Variants in NLGN1 observed in about 807,000 individuals in gnomAD.
NLGN1 encodes the protein neuroligin 1, also known as neuroligin-1.
In NLGN1, 12 loss-of-function variants were observed where a neutral mutation model predicts 65.5. That is an observed-to-expected ratio of 0.18 (90% CI 0.12 to 0.30). The LOEUF (loss-of-function observed/expected upper bound fraction) is 0.30, where lower values mean the gene tolerates loss of function less well. Among genes scored for constraint, NLGN1 ranks in the 10% least tolerant of loss-of-function variants. The pLI is 1.00. For missense variants in NLGN1, 750 were observed against 1,007.1 expected, an observed-to-expected ratio of 0.74 and a Z score of 3.46; for synonymous variants, 350 against 359.5, an observed-to-expected ratio of 0.97 and a Z score of 0.30.
intron 4 of NLGN1, among the ~76,000 whole-genome samples, chr3:173,850,942 G>A (rs748321630): frequency 1.3e-5 from 2 of 151,420 alleles, no homozygotes; most frequent in Non-Finnish European, 2.9e-5. Flanking sequence ...ATGAAGTCTT[G>A]CCATGTTGCC....
intron 3 of NLGN1, among the ~76,000 whole-genome samples, chr3:173,752,575 A>G (rs899210779): frequency 5.9e-5 from 9 of 152,132 alleles, no homozygotes; most frequent in African/African-American, 2.2e-4. Flanking sequence ...TAAAAAGCTT[A>G]AAGTCCATCT....
At chr3:173,810,665 G>A (rs1483235681) in intron 4 of NLGN1, among the ~76,000 whole-genome samples, 1 of 152,146 alleles carries the variant, frequency 6.6e-6, no homozygotes, top group Non-Finnish European at 1.5e-5. Flanking sequence ...ATAGAGATGT[G>A]ATAATGTTTT....
chr3:174,279,174 A>C lies in NLGN1; in HGVS notation c.1173A>C (p.Glu391Asp). 6.2e-7 allele frequency: 1 copy of C among 1,613,378 alleles called. No homozygotes were observed. Among genetic ancestry groups the C allele is most frequent in the Non-Finnish European group, 8.5e-7 (1 of 1,179,522 alleles). Residue 391 changes from glutamate to aspartate, a missense_variant, in exon 6 of 7, where the codon GAA becomes GAC. Glu to Asp is a conservative substitution (Grantham distance 45, BLOSUM62 2). Transcript: ENST00000457714. This position sits in a 1 kb window ranked among gnomAD's most constrained non-coding sequence, Gnocchi z 4.7. ...TAATGTTAGGAGTGAACCAAGGGGA[A>C]GGGTTAAAATTTGTTGAAAATATAG...
At chr3:173,529,774 G>A (rs1179128278) in intron 2 of NLGN1, among the ~76,000 whole-genome samples, 2 of 152,086 alleles carry the variant, frequency 1.3e-5, no homozygotes, top group African/African-American at 4.8e-5. Flanking sequence ...CAGTAATGTT[G>A]CTACTTTGTG....
chr3:173,854,829 G>A (rs1321358617), intron 4 of NLGN1, among the ~76,000 whole-genome samples: 1 of 151,980 alleles, frequency 6.6e-6, no homozygotes, highest in Admixed American at 6.6e-5. Context: ...TGTTTAGCAG[G>A]GTGAACTTAC....
rs1317119537 is a variant in NLGN1 at position 174,092,163 on chromosome 3, G to C, written c.647-183152G>C. ...TATAAAATGGAGTTGCACTGAGAAGGCACCAGAAACAGATGACTCTTCAGA... is the reference window on the plus strand; with the variant it reads ...TATAAAATGGAGTTGCACTGAGAAGCCACCAGAAACAGATGACTCTTCAGA... On this transcript the variant is annotated intron_variant, in intron 4 of 6. Transcript: ENST00000457714. 3.9e-5 allele frequency among the ~76,000 whole-genome samples: 6 copies of C among 152,232 alleles called. No individual in the cohort carries two copies. The East Asian group carries it at 7.7e-4, about 20-fold the overall frequency.
At chr3:173,427,787 A>C (rs1716405235) in intron 1 of NLGN1, among the ~76,000 whole-genome samples, 1 of 151,346 alleles carries the variant, frequency 6.6e-6, no homozygotes, top group South Asian at 2.1e-4. Flanking sequence ...TGTATTCTTC[A>C]GTAGTTTGTT....
chr3:174,155,031 T>C (rs1725179796), intron 4 of NLGN1, among the ~76,000 whole-genome samples: 2 of 140,110 alleles, frequency 1.4e-5, no homozygotes, highest in Admixed American at 1.5e-4. Flanking sequence ...TATAAAATTA[T>C]AATAATATAA....
intron 3 of NLGN1, among the ~76,000 whole-genome samples, chr3:173,776,521 A>T (rs1780324156): frequency 6.6e-6 from 1 of 152,058 alleles, no homozygotes; most frequent in African/African-American, 2.4e-5. Context: ...TGGTGTTGAC[A>T]ACCTAGTACA....
chr3:173,979,217 C>T (rs976887516), intron 4 of NLGN1, among the ~76,000 whole-genome samples: 30 of 151,774 alleles, frequency 2.0e-4, no homozygotes, highest in African/African-American at 6.5e-4. Flanking sequence ...AGATAACTCT[C>T]CCACAAGAAC....
intron 4 of NLGN1, among the ~76,000 whole-genome samples, chr3:173,966,220 A>C (rs1300727414): frequency 6.6e-6 from 1 of 152,234 alleles, no homozygotes; most frequent in Non-Finnish European, 1.5e-5. Flanking sequence ...CATTTGGTCC[A>C]GTAAAAAGTC....
In NLGN1 at chr3:174,036,924, A is replaced by G. The variant is rs925590146; in HGVS notation, c.646+229092A>G. Among the ~76,000 whole-genome samples the G allele has an allele frequency of 6.6e-5, 10 of 152,290 alleles. No individual in the cohort carries two copies. The South Asian group carries it at 2.1e-3, about 32-fold the overall frequency. ...AGCTTTATGCATGTTCCTGCAAAGG[A>G]CATGATGACATCCTTTTTTATGTCT... On this transcript the variant is annotated intron_variant, in intron 4 of 6. Coordinates refer to ENST00000457714, the Ensembl canonical transcript of NLGN1.
chr3:173,669,969 T>G (rs775077839), intron 3 of NLGN1, among the ~76,000 whole-genome samples: 1 of 152,220 alleles, frequency 6.6e-6, no homozygotes, highest in Non-Finnish European at 1.5e-5. Context: ...ACAGCATAAT[T>G]AAAACTTTGT....
intron 3 of NLGN1, among the ~76,000 whole-genome samples, chr3:173,615,071 A>T (rs1752857431): frequency 6.6e-6 from 1 of 151,874 alleles, no homozygotes; most frequent in African/African-American, 2.4e-5. Flanking sequence ...TTCTTTGGCC[A>T]CCTCCGCAGT....
intron 4 of NLGN1, among the ~76,000 whole-genome samples, chr3:174,034,319 TA>T (rs35334497): frequency 9.2e-5 from 14 of 151,534 alleles, no homozygotes; most frequent in Admixed American, 4.6e-4. Context: ...TAAGAAATGT[TA>T]AAAAAAAATT....
intron 2 of NLGN1, among the ~76,000 whole-genome samples, chr3:173,467,763 C>G (rs1181371453): frequency 1.3e-5 from 2 of 152,102 alleles, no homozygotes; most frequent in African/African-American, 4.8e-5. Context: ...ATGTTTATCT[C>G]TCATTCACAT....
At chr3:174,086,023 T>C (rs1430021775) in intron 4 of NLGN1, among the ~76,000 whole-genome samples, 4 of 151,990 alleles carry the variant, frequency 2.6e-5, no homozygotes. Context: ...AAATCATTAA[T>C]ATTTATGCAT....
chr3:174,243,367 C>A (rs1298269996), intron 4 of NLGN1, among the ~76,000 whole-genome samples: 1 of 152,126 alleles, frequency 6.6e-6, no homozygotes, highest in African/African-American at 2.4e-5. Flanking sequence ...GACTCAGTCA[C>A]TATGGCAATG....
intron 2 of NLGN1, among the ~76,000 whole-genome samples, chr3:173,576,571 C>G (rs1044572359): frequency 3.2e-4 from 48 of 152,138 alleles, no homozygotes; most frequent in African/African-American, 1.1e-3. Flanking sequence ...CTCTCTCTTT[C>G]TCCCTCATCT....
Sources: gnomAD v4.1 joint callset for allele counts (sites outside exome capture counted in the v4.1 genomes callset) on GRCh38, gnomAD v4.1.1 for gene constraint, Gnocchi (gnomAD v3.1) non-coding constraint, MANE v1.5 for transcripts, NCBI Gene and HGNC (gene_info 2026-07-23, HGNC 2026-07-21) for gene names.